The following AKR1C4 variants were observed in gnomAD, a reference collection of about 807,000 sequenced individuals.
The protein encoded by AKR1C4 is 3-alpha-HSD1.
AKR1C4 carries 44 observed loss-of-function variants against 41.0 expected under a neutral mutation model. The observed-to-expected ratio is 1.07, with a 90% CI of 0.84 to 1.38. The LOEUF (loss-of-function observed/expected upper bound fraction) is 1.38, where lower values mean the gene tolerates loss of function less well. AKR1C4 is among the 40% of genes most tolerant of loss of function. AKR1C4 has a pLI of 0.00. For synonymous variants in AKR1C4, 165 were observed against 137.7 expected (o/e 1.20, Z -1.39); for missense variants, 438 against 387.9 (o/e 1.13, Z -1.09).
At chr10:5,212,110 C>G (rs1319525137) in intron 5 of AKR1C4, among the ~76,000 whole-genome samples, 1 of 152,172 alleles carries the variant, frequency 6.6e-6, no homozygotes, top group African/African-American at 2.4e-5. Flanking sequence ...TTGGTGAAGG[C>G]AAATACTTTT....
chr10:5,205,276 C>T lies in AKR1C4; in HGVS notation c.370-481C>T, dbSNP rs950233879. ...GCTCATGGTGATTAACATAAAAGAACCTCCGTGGGTCTTACAACTTTCAAA... is the reference window on the plus strand; with the variant it reads ...GCTCATGGTGATTAACATAAAAGAATCTCCGTGGGTCTTACAACTTTCAAA... On this transcript the variant is annotated intron_variant, in intron 3 of 8. Transcript: ENST00000263126. Among the ~76,000 whole-genome samples, 6 of 152,138 alleles carry T rather than the reference C, an allele frequency of 3.9e-5. No individual in the cohort carries two copies. In the East Asian group the frequency reaches 5.8e-4, roughly 15 times the overall value.
intron 5 of AKR1C4, among the ~76,000 whole-genome samples, chr10:5,211,610 G>A (rs1046054078): frequency 2.0e-5 from 3 of 152,158 alleles, no homozygotes; most frequent in African/African-American, 7.2e-5. Flanking sequence ...TCTCTAGGAA[G>A]TTCCGGACCT....
At chr10:5,217,308 T>C (rs2132143173) in intron 8 of AKR1C4, among the ~76,000 whole-genome samples, 1 of 152,378 alleles carries the variant, frequency 6.6e-6, no homozygotes, top group Non-Finnish European at 1.5e-5. Flanking sequence ...TTCAAATTTC[T>C]TTCTTCCTTC....
chr10:5,217,775 T>C (rs1388621855), intron 8 of AKR1C4, among the ~76,000 whole-genome samples: 1 of 148,752 alleles, frequency 6.7e-6, no homozygotes. Context: ...AACAAAAAAA[T>C]CAAGGGAAGA....
At chr10:5,211,512 G>A (rs181774711) in intron 5 of AKR1C4, among the ~76,000 whole-genome samples, 1 of 152,140 alleles carries the variant, frequency 6.6e-6, no homozygotes, top group African/African-American at 2.4e-5. Context: ...AGTCACCTTT[G>A]CTCCAGTTCC....
chr10:5,217,459 G>A (rs970657562), intron 8 of AKR1C4, among the ~76,000 whole-genome samples: 75 of 152,318 alleles, frequency 4.9e-4, no homozygotes, highest in African/African-American at 1.7e-3. Flanking sequence ...AGAGAAGATA[G>A]ATTAAAAATC....
intron 5 of AKR1C4, 33 bp downstream of exon 5, chr10:5,206,430 C>T (rs782532788): frequency 1.1e-5 from 17 of 1,613,620 alleles, no homozygotes; most frequent in Middle Eastern, 1.7e-4. Context: ...CCTTTCTCTT[C>T]TCAATGTCCA....
intron 5 of AKR1C4, among the ~76,000 whole-genome samples, chr10:5,209,641 A>G (rs549503721): frequency 1.3e-5 from 2 of 152,316 alleles, no homozygotes; most frequent in South Asian, 2.1e-4. Flanking sequence ...AACAAGTCAC[A>G]TCTTACATAG....
At chr10:5,208,963 T>C (rs1832530392) in intron 5 of AKR1C4, among the ~76,000 whole-genome samples, 1 of 146,678 alleles carries the variant, frequency 6.8e-6, no homozygotes, top group Non-Finnish European at 1.5e-5. Context: ...GTCCGTTAAC[T>C]TGTTGTTCCA....
At chr10:5,218,671 A>C (rs781936211) in intron 8 of AKR1C4, 47 bp from the exon 9 acceptor site, 93 of 1,482,464 alleles carry the variant, frequency 6.3e-5, no homozygotes, top group Non-Finnish European at 8.8e-5. Flanking sequence ...CAGCTTTTTA[A>C]TAGAGTCATT....
At chr10:5,212,021 T>A (rs956648280) in intron 5 of AKR1C4, among the ~76,000 whole-genome samples, 3 of 152,148 alleles carry the variant, frequency 2.0e-5, no homozygotes, top group Admixed American at 6.5e-5. Context: ...CCTGGGCCCC[T>A]CCTACAGCAT....
At chr10:5,204,787 C>T in intron 3 of AKR1C4, 1 of 450,000 alleles carries the variant, frequency 2.2e-6, no homozygotes. Flanking sequence ...CTCTTAGGAT[C>T]TTCACAGATA....
intron 2 of AKR1C4, among the ~76,000 whole-genome samples, chr10:5,201,931 T>C (rs1304546717): frequency 2.0e-5 from 3 of 152,216 alleles, no homozygotes; most frequent in African/African-American, 7.2e-5. Flanking sequence ...CCCTAATTTC[T>C]GTGTTCTCTA....
At chr10:5,209,356 T>G (rs1554797741) in intron 5 of AKR1C4, among the ~76,000 whole-genome samples, 1 of 152,232 alleles carries the variant, frequency 6.6e-6, no homozygotes, top group African/African-American at 2.4e-5. Context: ...TTTAAAGTAA[T>G]TACTTTCAAT....
intron 5 of AKR1C4, among the ~76,000 whole-genome samples, 156 bp downstream of exon 5, chr10:5,206,553 G>T (rs1046205691): frequency 6.6e-6 from 1 of 152,134 alleles, no homozygotes; most frequent in African/African-American, 2.4e-5. Context: ...ACCCTTAATT[G>T]CACCTCTTCT....
intron 6 of AKR1C4, 119 bp downstream of exon 6, chr10:5,212,844 T>G: frequency 7.2e-7 from 1 of 1,396,888 alleles, no homozygotes; most frequent in Non-Finnish European, 9.8e-7. Context: ...ATAATTTGCA[T>G]TTCTTATGAG....
intron 1 of AKR1C4, among the ~76,000 whole-genome samples, chr10:5,199,906 G>A (rs1190523173): frequency 1.3e-5 from 2 of 152,194 alleles, no homozygotes; most frequent in African/African-American, 4.8e-5. Context: ...GCCTGTAGAT[G>A]GCAAAACTTA....
chr10:5,212,814 C>T (rs1832598455), intron 6 of AKR1C4, 89 bp downstream of exon 6: 3 of 1,459,362 alleles, frequency 2.1e-6, no homozygotes, highest in Admixed American at 1.9e-5. Flanking sequence ...AGTTCATTCT[C>T]AATGGGTCAG....
At chr10:5,202,539 A>G (rs1832416807) in intron 2 of AKR1C4, 1 of 447,208 alleles carries the variant, frequency 2.2e-6, no homozygotes, top group South Asian at 1.6e-5. Flanking sequence ...TTCCAGTACT[A>G]TGTTTAATAG....
Sources: allele counts gnomAD v4.1 joint callset (sites outside exome capture counted in the v4.1 genomes callset), GRCh38; gene constraint gnomAD v4.1.1; transcripts MANE v1.5; gene names NCBI Gene and HGNC (gene_info 2026-07-23, HGNC 2026-07-21).